The following PDE1A variants were observed in gnomAD, a reference collection of about 807,000 sequenced individuals.
PDE1A encodes the protein phosphodiesterase 1A, also known as dual specificity calcium/calmodulin-dependent 3',5'-cyclic nucleotide phosphodiesterase 1A.
A neutral mutation model predicts 61.7 loss-of-function variants in PDE1A; 35 were observed. The ratio of observed to expected loss-of-function variants is 0.57; its 90% CI spans 0.43 to 0.75. The LOEUF is 0.75. Ranked by LOEUF, PDE1A falls within the 30% of genes least tolerant of loss-of-function variation. The pLI is 0.00. For missense variants in PDE1A, 597 were observed against 630.6 expected (o/e 0.95, Z 0.57); for synonymous variants, 232 against 213.2 (o/e 1.09, Z -0.77).
intron 1 of PDE1A, among the ~76,000 whole-genome samples, chr2:182,308,755 C>T (rs1695766428): frequency 6.6e-6 from 1 of 151,842 alleles, no homozygotes; most frequent in African/African-American, 2.4e-5. Flanking sequence ...TGAAACAATC[C>T]AAATACTTTT....
intron 2 of PDE1A, among the ~76,000 whole-genome samples, chr2:182,437,882 T>C (rs1684540628): frequency 6.6e-6 from 1 of 151,976 alleles, no homozygotes; most frequent in African/African-American, 2.4e-5. Context: ...GGTTCTTATC[T>C]TAAATTTATG....
the PDE1A span, among the ~76,000 whole-genome samples, chr2:182,641,814 G>A: frequency 6.6e-6 from 1 of 152,182 alleles, no homozygotes; most frequent in Non-Finnish European, 1.5e-5. Flanking sequence ...GAGCATGTCA[G>A]TATAGCTGCT....
the PDE1A span, among the ~76,000 whole-genome samples, chr2:182,630,258 T>C: frequency 1.3e-5 from 2 of 152,320 alleles, no homozygotes; most frequent in Admixed American, 1.3e-4. Context: ...CTTTAATATT[T>C]AATTCATCCC....
the PDE1A span, among the ~76,000 whole-genome samples, chr2:182,657,548 C>T: frequency 1.3e-5 from 2 of 152,266 alleles, no homozygotes; most frequent in Admixed American, 6.5e-5. Context: ...TTTCACTAAT[C>T]CATGCCCATC....
At chr2:182,553,176 G>A in the PDE1A span, among the ~76,000 whole-genome samples, 1 of 152,154 alleles carries the variant, frequency 6.6e-6, no homozygotes, top group African/African-American at 2.4e-5. Context: ...TCCATTCCTT[G>A]GAATCCGTGA....
At chr2:182,381,215 G>T (rs1574499660) in intron 1 of PDE1A, among the ~76,000 whole-genome samples, 2 of 150,732 alleles carry the variant, frequency 1.3e-5, no homozygotes, top group Admixed American at 1.3e-4. Flanking sequence ...TAGAACTATT[G>T]AAGTTGTAAC....
chr2:182,424,076 CT>C (rs1009125261), intron 1 of PDE1A, among the ~76,000 whole-genome samples: 1 of 151,634 alleles, frequency 6.6e-6, no homozygotes, highest in African/African-American at 2.4e-5. Context: ...TCCCAAGTAG[CT>C]GGGACTACAG....
intron 1 of PDE1A, among the ~76,000 whole-genome samples, chr2:182,326,024 T>TGAGAA (rs1373932552): frequency 6.6e-6 from 1 of 152,154 alleles, no homozygotes; most frequent in Non-Finnish European, 1.5e-5. Flanking sequence ...AATGAACATA[T>TGAGAA]GAGAAGACAC....
At chr2:182,277,648 C>T (rs1322700327) in intron 1 of PDE1A, among the ~76,000 whole-genome samples, 1 of 151,984 alleles carries the variant, frequency 6.6e-6, no homozygotes, top group African/African-American at 2.4e-5. Flanking sequence ...CAAAAAATTG[C>T]CCTAGGTTGT....
At chr2:182,156,849 G>A (rs570496441) in intron 13 of PDE1A, among the ~76,000 whole-genome samples, 9 of 152,086 alleles carry the variant, frequency 5.9e-5, no homozygotes, top group African/African-American at 2.2e-4. Context: ...GGGACTCCAA[G>A]AATAATGAGA....
At chr2:182,150,330 C>T (rs17595863) in intron 13 of PDE1A, among the ~76,000 whole-genome samples, 2,544 of 152,182 alleles carry the variant, frequency 0.017, 22 homozygotes, top group Middle Eastern at 0.037. Context: ...CCAGAATAAT[C>T]GGTTGACTTT....
At chr2:182,655,627 A>G in the PDE1A span, among the ~76,000 whole-genome samples, 1 of 152,206 alleles carries the variant, frequency 6.6e-6, no homozygotes, top group South Asian at 2.1e-4. Flanking sequence ...GAAGGAAAAC[A>G]TGCATTATTT....
intron 1 of PDE1A, among the ~76,000 whole-genome samples, chr2:182,300,237 CA>C (rs1695152102): frequency 1.3e-5 from 2 of 152,140 alleles, no homozygotes; most frequent in Non-Finnish European, 2.9e-5. Flanking sequence ...CCTAATATAA[CA>C]AATATACTGA....
chr2:182,417,291 G>A (rs763117955), intron 1 of PDE1A, among the ~76,000 whole-genome samples: 2 of 152,198 alleles, frequency 1.3e-5, no homozygotes, highest in African/African-American at 2.4e-5. Context: ...TCACCTGCAA[G>A]TGTTTTCCCT....
chr2:182,567,844 G>T, the PDE1A span, among the ~76,000 whole-genome samples: 1 of 142,290 alleles, frequency 7.0e-6, no homozygotes, highest in Non-Finnish European at 1.5e-5. Flanking sequence ...CAGGACTGGT[G>T]TGCAGTGGCA....
intron 1 of PDE1A, among the ~76,000 whole-genome samples, chr2:182,380,289 T>G (rs1700655909): frequency 6.6e-6 from 1 of 151,960 alleles, no homozygotes; most frequent in Non-Finnish European, 1.5e-5. Flanking sequence ...TTTTTGTATT[T>G]TTTTAGTAGA....
At chr2:182,687,114 A>G in the PDE1A span, among the ~76,000 whole-genome samples, 1 of 152,256 alleles carries the variant, frequency 6.6e-6, no homozygotes, top group Non-Finnish European at 1.5e-5. Flanking sequence ...AGGGCAGGGC[A>G]TAGCTGAACA....
chr2:182,397,676 G>T (rs192555000), intron 1 of PDE1A, among the ~76,000 whole-genome samples: 7 of 152,012 alleles, frequency 4.6e-5, no homozygotes, highest in African/African-American at 1.4e-4. Context: ...TTCCTATTAC[G>T]CTATGTCACA....
At chr2:182,496,101 A>G (rs2125900134) in intron 2 of PDE1A, among the ~76,000 whole-genome samples, 1 of 152,356 alleles carries the variant, frequency 6.6e-6, no homozygotes. Context: ...CTACCCTATT[A>G]GAGGAAAGAC....
Sources: gnomAD v4.1 joint callset for allele counts (sites outside exome capture counted in the v4.1 genomes callset) on GRCh38, gnomAD v4.1.1 for gene constraint, MANE v1.5 for transcripts, NCBI Gene and HGNC (gene_info 2026-07-23, HGNC 2026-07-21) for gene names.